Variants in MAPK14 observed in about 807,000 individuals in gnomAD.
MAPK14 encodes mitogen-activated protein kinase 14.
In MAPK14, 16 loss-of-function variants were observed where a neutral mutation model predicts 49.6. The ratio of observed to expected loss-of-function variants is 0.32; its 90% CI spans 0.22 to 0.49. The LOEUF (loss-of-function observed/expected upper bound fraction) is 0.49, where lower values mean the gene tolerates loss of function less well. Among genes scored for constraint, MAPK14 ranks in the 20% least tolerant of loss-of-function variants. The pLI, the probability that MAPK14 is intolerant of heterozygous loss-of-function variation, is 0.99. For missense variants in MAPK14, 200 were observed against 441.2 expected (o/e 0.45, Z 4.90); for synonymous variants, 142 against 158.0 (o/e 0.90, Z 0.76).
intron 1 of MAPK14, among the ~76,000 whole-genome samples, chr6:36,050,772 G>A (rs1483596949): frequency 6.6e-6 from 1 of 152,212 alleles, no homozygotes; most frequent in Non-Finnish European, 1.5e-5. Flanking sequence ...TGCTAGCCAG[G>A]AGGTATCTGG....
rs114253860 is a variant in MAPK14 at position 36,075,831 on chromosome 6, C to A, written c.496-17C>A. ...TCTAAGTCTTAGCAGTTTGTCTGTT[C>A]CTCTTCTGCCCTTTAGATTCTGGAT... On this transcript the variant is annotated splice_polypyrimidine_tract_variant and intron_variant, in intron 6 of 11. Coordinates refer to ENST00000229794, the MANE Select transcript of MAPK14 (RefSeq NM_139012.3). 1.8e-4 allele frequency: 293 copies of A among 1,612,922 alleles called. No individual in the cohort carries two copies. In the African/African-American group the frequency reaches 3.7e-3, roughly 20 times the overall value.
intron 1 of MAPK14, among the ~76,000 whole-genome samples, chr6:36,052,226 G>A (rs916453887): frequency 6.6e-6 from 1 of 152,188 alleles, no homozygotes; most frequent in African/African-American, 2.4e-5. Flanking sequence ...AGCAGATGTG[G>A]CAAGGTGACG....
intron 8 of MAPK14, among the ~76,000 whole-genome samples, chr6:36,095,638 G>A (rs951349676): frequency 2.0e-5 from 3 of 152,272 alleles, no homozygotes; most frequent in South Asian, 2.1e-4. Context: ...GAAGAGGGCA[G>A]TGTAAACTGA....
chr6:36,108,379 G>T lies in MAPK14; in HGVS notation c.1016-1G>T. 1 of 1,613,224 alleles carries T rather than the reference G, an allele frequency of 6.2e-7. No homozygotes were observed. Among genetic ancestry groups the T allele is most frequent in the Non-Finnish European group, 8.5e-7 (1 of 1,179,224 alleles). On this transcript the variant is annotated splice_acceptor_variant, in intron 11 of 11. Coordinates refer to ENST00000229794, the MANE Select transcript of MAPK14 (RefSeq NM_139012.3). LOFTEE classifies it high-confidence loss of function. The stretch of plus-strand genomic sequence containing the variant: ...TCTTACTTTTCCTTCCCAATTTCTA[G>T]GCCTGACCTATGATGAAGTCATCAG...
intron 1 of MAPK14, among the ~76,000 whole-genome samples, chr6:36,044,166 G>C (rs1221666531): frequency 6.6e-6 from 1 of 152,088 alleles, no homozygotes; most frequent in Admixed American, 6.5e-5. Flanking sequence ...TGCTAATTCA[G>C]TGTAACTACA....
At chr6:36,069,121 T>C (rs1264628410) in intron 3 of MAPK14, among the ~76,000 whole-genome samples, 2 of 152,226 alleles carry the variant, frequency 1.3e-5, no homozygotes, top group Admixed American at 6.5e-5. Context: ...CTTAATTTAC[T>C]TTAGGTGTTA....
At chr6:36,114,144 CCCA>C (rs578127398), downstream of MAPK14, among the ~76,000 whole-genome samples, 8 of 152,346 alleles carry the variant, frequency 5.3e-5, no homozygotes, top group East Asian at 1.5e-3. Context: ...GCTCCCTTCC[CCCA>C]GTTGGGATAG....
chr6:36,081,377 G>A (rs1159323188), intron 8 of MAPK14, among the ~76,000 whole-genome samples: 3 of 152,054 alleles, frequency 2.0e-5, no homozygotes, highest in African/African-American at 7.2e-5. Flanking sequence ...GATGATGTGA[G>A]GTAGGGGCCC....
At chr6:36,066,837 GAAAT>G (rs2043807940) in intron 3 of MAPK14, among the ~76,000 whole-genome samples, 1 of 151,986 alleles carries the variant, frequency 6.6e-6, no homozygotes, top group Admixed American at 6.6e-5. Context: ...AATGGTGAAA[GAAAT>G]ACCTAGCCGA....
chr6:36,058,790 C>T (rs1763682878), intron 2 of MAPK14, among the ~76,000 whole-genome samples: 1 of 151,722 alleles, frequency 6.6e-6, no homozygotes, highest in Admixed American at 6.6e-5. Context: ...GTCCCAGCTA[C>T]TTGGGAGGCT....
At chr6:36,108,107 G>A (rs2127477247) in intron 11 of MAPK14, among the ~76,000 whole-genome samples, 1 of 152,296 alleles carries the variant, frequency 6.6e-6, no homozygotes. Flanking sequence ...GCTTGTGAGA[G>A]TGCTCTTTCA....
At chr6:36,052,880 A>G (rs779599364) in intron 2 of MAPK14, 52 bp downstream of exon 2, 5 of 1,525,126 alleles carry the variant, frequency 3.3e-6, no homozygotes, top group Admixed American at 1.8e-5. Flanking sequence ...TAGACTGGGG[A>G]AAAATGTTTT....
At chr6:36,122,171 T>C in the MAPK14 span, among the ~76,000 whole-genome samples, 2 of 152,244 alleles carry the variant, frequency 1.3e-5, 1 homozygote, top group Admixed American at 1.3e-4. Context: ...TCCATAGGGC[T>C]TCTGGGGAGG....
Position 36,107,148 on chromosome 6 carries a change from T to G in MAPK14, c.842-307T>G, listed in dbSNP as rs917369549. ...TCGGGTACAATGTTCACTATTTGGT[T>G]AATGGGCACGCTAGAAGCCCAGTCC... is the stretch of plus-strand genomic sequence containing the variant. On this transcript the variant is annotated intron_variant, in intron 10 of 11. Transcript: ENST00000229794. The surrounding 1 kb of genome is among the most constrained non-coding windows in gnomAD (Gnocchi z 4.3). Among the ~76,000 whole-genome samples the G allele has an allele frequency of 6.6e-6, 1 of 152,154 alleles. No individual in the cohort carries two copies.
downstream of MAPK14, among the ~76,000 whole-genome samples, chr6:36,114,617 T>TAAA (rs376202964): frequency 3.0e-5 from 4 of 132,338 alleles, no homozygotes; most frequent in East Asian, 8.5e-4. Flanking sequence ...GAACTCTGTT[T>TAAA]AAAAAAAAAA....
At chr6:36,083,479 C>T (rs964829354) in intron 8 of MAPK14, among the ~76,000 whole-genome samples, 1 of 152,180 alleles carries the variant, frequency 6.6e-6, no homozygotes, top group African/African-American at 2.4e-5. Context: ...TTGCTGTCAT[C>T]ACTGCAGCTC....
At chr6:36,095,607 A>G (rs55696182) in intron 8 of MAPK14, among the ~76,000 whole-genome samples, 2,729 of 152,252 alleles carry the variant, frequency 0.018, 66 homozygotes, top group African/African-American at 0.056. Context: ...TGAACTGGTT[A>G]CTGACACTGT....
chr6:36,075,225 CAAAAAAAAAAAA>C (rs70975130), intron 6 of MAPK14, among the ~76,000 whole-genome samples: 5 of 62,942 alleles, frequency 7.9e-5, no homozygotes, highest in Non-Finnish European at 1.4e-4. Context: ...GACTCCGTCT[CAAAAAAAAAAAA>C]AAAAAAAAAA....
chr6:36,107,512 C>A lies in MAPK14; in HGVS notation c.899C>A (p.Ala300Asp). ...GACTCAGATAAGAGAATTACAGCGG[C>A]CCAAGCCCTTGCACATGCCTACTTT... ...VLDSDKRITA[A>D]QALAHAYFAQ... Residue 300 changes from alanine (A) to aspartate (D), a missense_variant, in exon 11 of 12, where the codon GCC (alanine) becomes GAC (aspartate). Physicochemically the swap from Ala to Asp is moderately radical, Grantham distance 126. Transcript: ENST00000229794. This position sits in a 1 kb window ranked among gnomAD's most constrained non-coding sequence, Gnocchi z 4.3. The A allele has an allele frequency of 1.9e-6, 3 of 1,604,492 alleles. No homozygotes were observed. The highest frequency in any genetic ancestry group is 2.6e-6 in the Non-Finnish European group (3 of 1,175,420).
Sources: gnomAD v4.1 joint callset for allele counts (sites outside exome capture counted in the v4.1 genomes callset) on GRCh38, gnomAD v4.1.1 for gene constraint, Gnocchi (gnomAD v3.1) non-coding constraint, MANE v1.5 for transcripts, NCBI Gene and HGNC (gene_info 2026-07-23, HGNC 2026-07-21) for gene names.